Variants in ARB2A observed in about 807,000 individuals in gnomAD.
ARB2A encodes the protein cotranscriptional regulator ARB2A.
chr5:93,807,642 C>T, the ARB2A span, among the ~76,000 whole-genome samples: 14 of 151,810 alleles, frequency 9.2e-5, no homozygotes, highest in Non-Finnish European at 1.5e-4. Flanking sequence ...TTTACATCTA[C>T]GTTTAAGAGA....
chr5:93,657,633 A>G, the ARB2A span, among the ~76,000 whole-genome samples: 1 of 152,162 alleles, frequency 6.6e-6, no homozygotes, highest in African/African-American at 2.4e-5. Flanking sequence ...GGCAATGGGC[A>G]TATAAAGTAA....
the ARB2A span, among the ~76,000 whole-genome samples, chr5:94,073,077 G>A: frequency 4.3e-4 from 65 of 152,142 alleles, 1 homozygote; most frequent in African/African-American, 1.5e-3. Context: ...CCATGTAAAC[G>A]TGAAATCCTC....
the ARB2A span, among the ~76,000 whole-genome samples, chr5:93,750,235 TTAAC>T: frequency 6.6e-6 from 1 of 152,206 alleles, no homozygotes; most frequent in African/African-American, 2.4e-5. Context: ...TTGAAGATGA[TTAAC>T]TAATTGGTAA....
the ARB2A span, among the ~76,000 whole-genome samples, chr5:93,926,280 C>T: frequency 2.6e-5 from 4 of 152,100 alleles, no homozygotes; most frequent in East Asian, 7.7e-4. Context: ...CAGGCATGTG[C>T]CACCATGCCC....
the ARB2A span, among the ~76,000 whole-genome samples, chr5:94,025,695 G>T: frequency 6.6e-6 from 1 of 152,234 alleles, no homozygotes; most frequent in Admixed American, 6.5e-5. Flanking sequence ...AAAAGAATAT[G>T]AAGTTTCTGC....
the ARB2A span, among the ~76,000 whole-genome samples, chr5:93,806,876 T>TA: frequency 6.6e-6 from 1 of 151,898 alleles, no homozygotes; most frequent in South Asian, 2.1e-4. Context: ...AGTGACCTGT[T>TA]AAAAAACAGT....
the ARB2A span, among the ~76,000 whole-genome samples, chr5:93,783,259 C>T: frequency 6.6e-6 from 1 of 152,026 alleles, no homozygotes; most frequent in Non-Finnish European, 1.5e-5. Flanking sequence ...ATATGGTCAT[C>T]AAACACCTAC....
chr5:94,042,691 G>T, the ARB2A span, among the ~76,000 whole-genome samples: 148 of 152,240 alleles, frequency 9.7e-4, no homozygotes, highest in African/African-American at 3.4e-3. Context: ...TTAAAATTGG[G>T]TAGATATGTC....
At chr5:94,103,567 G>A in the ARB2A span, among the ~76,000 whole-genome samples, 1 of 151,828 alleles carries the variant, frequency 6.6e-6, no homozygotes, top group Non-Finnish European at 1.5e-5. Context: ...CACGATAATA[G>A]TGGAAGACCT....
At chr5:93,629,633 C>T in the ARB2A span, among the ~76,000 whole-genome samples, 1 of 152,078 alleles carries the variant, frequency 6.6e-6, no homozygotes, top group African/African-American at 2.4e-5. Flanking sequence ...ATCTTTGTTC[C>T]AGGGAGAAAA....
chr5:93,668,650 T>C, the ARB2A span, among the ~76,000 whole-genome samples: 2 of 152,184 alleles, frequency 1.3e-5, no homozygotes, highest in African/African-American at 4.8e-5. Context: ...TTTGTTTTTT[T>C]TGAGTTTTAG....
chr5:93,945,768 T>A, the ARB2A span, among the ~76,000 whole-genome samples: 11 of 151,654 alleles, frequency 7.3e-5, no homozygotes, highest in South Asian at 8.3e-4. Flanking sequence ...AGATCATGAG[T>A]GAATATAAAT....
chr5:93,706,529 A>G, the ARB2A span, among the ~76,000 whole-genome samples: 1 of 152,188 alleles, frequency 6.6e-6, no homozygotes, highest in Admixed American at 6.5e-5. Context: ...GCTCCTTTAA[A>G]TGGCTACAAT....
the ARB2A span, among the ~76,000 whole-genome samples, chr5:93,907,106 T>C: frequency 1.1e-4 from 17 of 151,508 alleles, no homozygotes; most frequent in African/African-American, 3.9e-4. Flanking sequence ...AGGCACACAA[T>C]CTGCTGCTTG....
At chr5:94,062,837 C>T in the ARB2A span, among the ~76,000 whole-genome samples, 1 of 152,220 alleles carries the variant, frequency 6.6e-6, no homozygotes, top group Admixed American at 6.5e-5. Flanking sequence ...CTGGCTAATG[C>T]CACCTGGGCA....
the ARB2A span, among the ~76,000 whole-genome samples, chr5:93,916,017 G>A: frequency 8.3e-4 from 127 of 152,182 alleles, no homozygotes; most frequent in Non-Finnish European, 1.7e-3. Flanking sequence ...TGTTGAGCTG[G>A]ATGCTTTCCA....
the ARB2A span, among the ~76,000 whole-genome samples, chr5:93,752,350 T>C: frequency 3.9e-5 from 6 of 152,314 alleles, no homozygotes; most frequent in Admixed American, 1.3e-4. Context: ...CCATATTAAC[T>C]CAAAACTTAT....
chr5:93,622,791 T>C, the ARB2A span, among the ~76,000 whole-genome samples: 1 of 152,246 alleles, frequency 6.6e-6, no homozygotes, highest in Non-Finnish European at 1.5e-5. Flanking sequence ...AGTGTAGGTT[T>C]ATCTTGTTAA....
At chr5:94,045,141 A>C in the ARB2A span, among the ~76,000 whole-genome samples, 4 of 147,568 alleles carry the variant, frequency 2.7e-5, no homozygotes, top group African/African-American at 7.5e-5. Flanking sequence ...AAAAAACAAC[A>C]ACCAAAATAA....
Sources: allele counts gnomAD v4.1 joint callset (sites outside exome capture counted in the v4.1 genomes callset), GRCh38; gene constraint gnomAD v4.1.1; transcripts MANE v1.5; gene names NCBI Gene and HGNC (gene_info 2026-07-23, HGNC 2026-07-21).